KLHL29: variants seen among roughly 807,000 people sequenced by gnomAD.
The protein encoded by KLHL29 is kelch like family member 29, also known as kelch-like protein 29.
In KLHL29, 21 loss-of-function variants were observed where a neutral mutation model predicts 80.4. The observed-to-expected ratio is 0.26, with a 90% CI of 0.19 to 0.38. The LOEUF (loss-of-function observed/expected upper bound fraction) is 0.38. Ranked by LOEUF, KLHL29 falls within the 10% of genes least tolerant of loss-of-function variation. The pLI is 1.00. For missense variants in KLHL29, 867 were observed against 1,223.9 expected, an observed-to-expected ratio of 0.71 and a Z score of 4.35; for synonymous variants, 511 against 526.8, an observed-to-expected ratio of 0.97 and a Z score of 0.41.
At chr2:23,679,600 C>T (rs1248598343) in intron 5 of KLHL29, among the ~76,000 whole-genome samples, 2 of 142,702 alleles carry the variant, frequency 1.4e-5, no homozygotes, top group Non-Finnish European at 3.2e-5. Context: ...TATTTGCCAT[C>T]CATCACACCA....
chr2:23,526,269 G>A (rs183615896), intron 2 of KLHL29, among the ~76,000 whole-genome samples: 43 of 141,712 alleles, frequency 3.0e-4, no homozygotes, highest in African/African-American at 8.4e-4. Flanking sequence ...GAACGTGGGC[G>A]GTCGGAGGAA....
chr2:23,621,100 C>A (rs1469878266), intron 3 of KLHL29, among the ~76,000 whole-genome samples: 1 of 152,240 alleles, frequency 6.6e-6, no homozygotes, highest in Admixed American at 6.5e-5. Flanking sequence ...AAGCCCCGGT[C>A]CCCTGGCAGA....
At chr2:23,658,258 C>T (rs1479454239) in intron 5 of KLHL29, among the ~76,000 whole-genome samples, 2 of 152,128 alleles carry the variant, frequency 1.3e-5, no homozygotes, top group East Asian at 3.9e-4. Flanking sequence ...GCCACCAGAG[C>T]CGAAGCCCTG....
chr2:23,658,441 C>T (rs966321070), intron 5 of KLHL29, among the ~76,000 whole-genome samples: 3 of 152,172 alleles, frequency 2.0e-5, no homozygotes, highest in African/African-American at 4.8e-5. Flanking sequence ...CAGCCTCATT[C>T]GGGCTCCCCA....
intron 2 of KLHL29, among the ~76,000 whole-genome samples, chr2:23,490,328 G>C (rs936897707): frequency 6.6e-6 from 1 of 152,166 alleles, no homozygotes; most frequent in Non-Finnish European, 1.5e-5. Context: ...CAGCAGCTAA[G>C]TGACTGAGTT....
chr2:23,500,916 A>G (rs948335719), intron 2 of KLHL29, among the ~76,000 whole-genome samples: 1 of 152,120 alleles, frequency 6.6e-6, no homozygotes, highest in African/African-American at 2.4e-5. Context: ...ATAAATCATG[A>G]TTATGCTACT....
intron 3 of KLHL29, among the ~76,000 whole-genome samples, chr2:23,611,884 C>CAA (rs61102659): frequency 0.4 from 50,623 of 127,398 alleles, 9,508 homozygotes; most frequent in East Asian, 0.66. Context: ...CAGATGCAAC[C>CAA]AAAAAAAAAA....
At chr2:23,605,041 G>A (rs1668669699) in intron 3 of KLHL29, among the ~76,000 whole-genome samples, 1 of 150,880 alleles carries the variant, frequency 6.6e-6, no homozygotes. Flanking sequence ...ACCTGCCACC[G>A]CCTTCCCTGG....
At chr2:23,429,765 GA>G (rs1221490483) in intron 1 of KLHL29, among the ~76,000 whole-genome samples, 4 of 149,834 alleles carry the variant, frequency 2.7e-5, no homozygotes, top group African/African-American at 9.8e-5. Flanking sequence ...GAAAAAAAAA[GA>G]AAAAAGAAAA....
chr2:23,562,048 T>C lies in KLHL29; in HGVS notation c.-45-104T>C, dbSNP rs553175429. 14 of 793,870 alleles carry C rather than the reference T, an allele frequency of 1.8e-5. No homozygotes were observed. The South Asian group carries it at 2.4e-4, about 14-fold the overall frequency. The allele number at this position is 793,870 out of a possible 1,614,324, so 49.2% of individuals were successfully genotyped here. A position where few individuals can be genotyped will look rare whatever the true frequency, so the allele number is the denominator to read the frequency against. Reference sequence around the variant, plus strand: ...CGTGACTCTGAAATGAGCTAATGTTTGAAGGCCTGTTATTGAACCCAGAGA... The same window carrying C: ...CGTGACTCTGAAATGAGCTAATGTTCGAAGGCCTGTTATTGAACCCAGAGA... On this transcript the variant is annotated intron_variant, in intron 2 of 13. Coordinates refer to ENST00000486442, the MANE Select transcript of KLHL29 (RefSeq NM_052920.2). This position sits in a 1 kb window ranked among gnomAD's most constrained non-coding sequence, Gnocchi z 4.5.
In KLHL29 at chr2:23,597,292, CTCTCA is replaced by C. The variant is rs201226371; in HGVS notation, c.285+34813_285+34817del. On this transcript the variant is annotated intron_variant, in intron 3 of 13. Coordinates refer to ENST00000486442, the MANE Select transcript of KLHL29 (RefSeq NM_052920.2). ...TCTCGCTCTCAATCTATCTCTCTCT[CTCTCA>C]TATATATATATATGTGTGTGTGTGT... 7.6e-3 allele frequency among the ~76,000 whole-genome samples: 296 copies of C among 39,118 alleles called. 15 individuals carry two copies. The highest frequency in any genetic ancestry group is 0.013 in the South Asian group (12 of 924). 25.7% of individuals were successfully genotyped at this position (39,118 alleles called of 152,430 possible).
At chr2:23,520,996 C>CCCG (rs1558370503) in intron 2 of KLHL29, among the ~76,000 whole-genome samples, 2 of 151,380 alleles carry the variant, frequency 1.3e-5, no homozygotes, top group African/African-American at 4.9e-5. Context: ...AAGACCACCC[C>CCCG]CCCCCCCGCT....
chr2:23,422,809 C>T (rs1662859335), intron 1 of KLHL29, among the ~76,000 whole-genome samples: 1 of 152,156 alleles, frequency 6.6e-6, no homozygotes, highest in East Asian at 1.9e-4. Context: ...TCTGTGCAGT[C>T]TGCATGTGCA....
intron 5 of KLHL29, among the ~76,000 whole-genome samples, chr2:23,660,648 C>A (rs1670378987): frequency 6.6e-6 from 1 of 152,256 alleles, no homozygotes; most frequent in East Asian, 1.9e-4. Context: ...TTCTGGGAGT[C>A]CAGCCCCTCC....
rs574936391 is a variant in KLHL29 at position 23,609,915 on chromosome 2, C to G, written c.286-29224C>G. The stretch of plus-strand genomic sequence containing the variant: ...GGATGTGAACCCACCCCTGACCCCC[C>G]ACTTCTTTCCAGAGCCCATGGTCCA... On this transcript the variant is annotated intron_variant, in intron 3 of 13. Transcript: ENST00000486442. Among the ~76,000 whole-genome samples the G allele has an allele frequency of 1.9e-3, 291 of 152,302 alleles. 1 individual carries two copies. Among genetic ancestry groups the G allele is most frequent in the Admixed American group, 4.2e-3 (65 of 15,306 alleles).
intron 1 of KLHL29, among the ~76,000 whole-genome samples, chr2:23,469,299 T>G (rs115507569): frequency 6.6e-6 from 1 of 152,218 alleles, no homozygotes; most frequent in Non-Finnish European, 1.5e-5. Context: ...AAAAGGCTAC[T>G]GTGTGTTGCT....
At chr2:23,612,211 G>A (rs1163817675) in intron 3 of KLHL29, among the ~76,000 whole-genome samples, 1 of 152,162 alleles carries the variant, frequency 6.6e-6, no homozygotes, top group Admixed American at 6.5e-5. Context: ...ATTAAAGACA[G>A]AGAAAAATCT....
Position 23,480,431 on chromosome 2 carries a change from G to A in KLHL29, c.-46+4764G>A, listed in dbSNP as rs377601173. On this transcript the variant is annotated intron_variant, in intron 2 of 13. Coordinates refer to ENST00000486442, the MANE Select transcript of KLHL29 (RefSeq NM_052920.2). ...GAAAGTGGGAGGTGGAGGTTGCAGT[G>A]AGCTGAGATCGCACCACTGCACCAC... Among the ~76,000 whole-genome samples the A allele has an allele frequency of 2.3e-4, 35 of 152,198 alleles. No homozygotes were observed. In the South Asian group the frequency reaches 7.1e-3, roughly 31 times the overall value.
chr2:23,439,525 G>C (rs1346734658), intron 1 of KLHL29, among the ~76,000 whole-genome samples: 1 of 150,802 alleles, frequency 6.6e-6, no homozygotes, highest in South Asian at 2.1e-4. Flanking sequence ...TGTTCTCGTT[G>C]GTTTCAAAGA....
Sources: gnomAD v4.1 joint callset for allele counts (sites outside exome capture counted in the v4.1 genomes callset) on GRCh38, gnomAD v4.1.1 for gene constraint, Gnocchi (gnomAD v3.1) non-coding constraint, MANE v1.5 for transcripts, NCBI Gene and HGNC (gene_info 2026-07-23, HGNC 2026-07-21) for gene names.